Variants in COL4A4 observed in about 807,000 individuals in gnomAD.
COL4A4 encodes the protein collagen type IV alpha 4 chain.
A neutral mutation model predicts 192.9 loss-of-function variants in COL4A4; 105 were observed. The ratio of observed to expected loss-of-function variants is 0.54; its 90% CI spans 0.46 to 0.64. COL4A4 has a LOEUF of 0.64. Ranked by LOEUF, COL4A4 falls within the 30% of genes least tolerant of loss-of-function variation. COL4A4 has a pLI of 0.00. For missense variants in COL4A4, 1,967 were observed against 2,169.3 expected, an observed-to-expected ratio of 0.91 and a Z score of 1.85; for synonymous variants, 762 against 769.9, an observed-to-expected ratio of 0.99 and a Z score of 0.17.
chr2:227,114,482 T>C (rs1423597685), intron 8 of COL4A4, 146 bp downstream of exon 8: 2 of 752,674 alleles, frequency 2.7e-6, no homozygotes, highest in Non-Finnish European at 4.9e-6. Context: ...CACAAAAGCA[T>C]GATGCCATCC....
At chr2:227,146,869 A>G (rs1318298946) in intron 2 of COL4A4, among the ~76,000 whole-genome samples, 2 of 152,082 alleles carry the variant, frequency 1.3e-5, no homozygotes, top group Non-Finnish European at 2.9e-5. Context: ...TTCACTTCCA[A>G]GGATGCTTGT....
chr2:227,053,811 G>T (rs1974699857), intron 31 of COL4A4, among the ~76,000 whole-genome samples: 1 of 152,004 alleles, frequency 6.6e-6, no homozygotes, highest in Admixed American at 6.6e-5. Context: ...CTCCCAAAGT[G>T]CTGGGATTAC....
intron 21 of COL4A4, among the ~76,000 whole-genome samples, 198 bp from the exon 22 acceptor site, chr2:227,089,014 G>A (rs1445985753): frequency 1.3e-5 from 2 of 152,078 alleles, no homozygotes; most frequent in Non-Finnish European, 2.9e-5. Flanking sequence ...TGGGATGTAG[G>A]GTGGGCATAC....
rs2150740265 is a variant in COL4A4 at position 227,098,776 on chromosome 2, G to A, written c.1122C>T (p.Phe374=). Residue 374 remains phenylalanine (F), a synonymous_variant, in exon 19 of 48, where the codon TTC becomes TTT. Transcript: ENST00000396625. ...PLKGPPGDPG[F]PGRYGETGDV... is the part of the protein sequence containing the mutation. The stretch of plus-strand genomic sequence containing the variant: ...CCCCTGTTTCTCCATAGCGGCCAGG[G>A]AACCCTGGGTCCCCTGGTGGGCCTG... 6.2e-7 allele frequency: 1 copy of A among 1,614,022 alleles called. No individual in the cohort carries two copies. Among genetic ancestry groups the A allele is most frequent in the South Asian group, 1.1e-5 (1 of 91,060 alleles).
chr2:227,094,303 C>A lies in COL4A4; in HGVS notation c.1205-14G>T. On this transcript the variant is annotated splice_polypyrimidine_tract_variant and intron_variant, in intron 19 of 47. Transcript: ENST00000396625. The stretch of plus-strand genomic sequence containing the variant: ...GTCCTATCATGCCTGCAAGATAAAT[C>A]AAGAATGAAAATTACATATACTCTC... The A allele has an allele frequency of 6.2e-7, 1 of 1,612,116 alleles. No individual in the cohort carries two copies. The highest frequency in any genetic ancestry group is 1.1e-5 in the South Asian group (1 of 90,874).
chr2:227,103,218 A>G (rs2060624953), intron 13 of COL4A4, 21 bp from the exon 14 acceptor site: 1 of 1,591,132 alleles, frequency 6.3e-7, no homozygotes, highest in South Asian at 1.1e-5. Flanking sequence ...CAATGAATAT[A>G]ATTTGGTCTA....
rs755927061 is a variant in COL4A4 at position 227,012,179 on chromosome 2, A to G, written c.4333+2T>C. ...AGAAAAGAGGAGTGACTGAAACTCT[A>G]CCTGGTCCTCCAGGGTAGCCGTCTT... On this transcript the variant is annotated splice_donor_variant, in intron 45 of 47. Coordinates refer to ENST00000396625, the MANE Select transcript of COL4A4 (RefSeq NM_000092.5). LOFTEE classifies it high-confidence loss of function. 1.2e-6 allele frequency: 2 copies of G among 1,607,662 alleles called. No homozygotes were observed. Among genetic ancestry groups the G allele is most frequent in the Non-Finnish European group, 1.7e-6 (2 of 1,174,072 alleles).
chr2:227,056,054 T>G lies in COL4A4; in HGVS notation c.2607A>C (p.Lys869Asn), dbSNP rs1406834186. Reference protein sequence around the residue: ...DVGPPGPAGMKGLPGLPGRPG... With the variant: ...DVGPPGPAGMNGLPGLPGRPG... ...GCCGTCCTGGGAGTCCGGGGAGGCC[T>G]TTCATTCCAGCTGGCCCGGGAGGCC... The change falls in exon 30 of 48, where the codon AAA becomes AAC. Residue 869 changes from lysine (K) to asparagine (N), a missense_variant. Coordinates refer to ENST00000396625, the MANE Select transcript of COL4A4 (RefSeq NM_000092.5). 1 of 1,613,994 alleles carries G rather than the reference T, an allele frequency of 6.2e-7. No individual in the cohort carries two copies. The highest frequency in any genetic ancestry group is 2.2e-5 in the East Asian group (1 of 44,856).
chr2:227,116,154 G>C (rs80110363), intron 7 of COL4A4, among the ~76,000 whole-genome samples: 1 of 142,916 alleles, frequency 7.0e-6, no homozygotes, highest in Non-Finnish European at 1.5e-5. Context: ...GGGAAGAAAC[G>C]TAACAATGTA....
At chr2:227,117,255 A>C (rs984422267) in intron 7 of COL4A4, among the ~76,000 whole-genome samples, 4 of 152,194 alleles carry the variant, frequency 2.6e-5, no homozygotes, top group Non-Finnish European at 5.9e-5. Context: ...TGTGGCTGGT[A>C]CTGCATGCTA....
intron 43 of COL4A4, among the ~76,000 whole-genome samples, chr2:227,023,739 C>T (rs529779212): frequency 5.3e-5 from 8 of 152,288 alleles, no homozygotes; most frequent in East Asian, 3.9e-4. Flanking sequence ...CTTCGCCAGG[C>T]GCGGTGGCTC....
At chr2:226,996,222 C>T in the COL4A4 span, 1 of 152,400 alleles carries the variant, frequency 6.6e-6, no homozygotes. Context: ...CAGCCCCTTC[C>T]CAGTGGCAGC....
At chr2:227,093,333 A>G (rs2060036461) in intron 20 of COL4A4, among the ~76,000 whole-genome samples, 1 of 152,230 alleles carries the variant, frequency 6.6e-6, no homozygotes, top group Non-Finnish European at 1.5e-5. Flanking sequence ...AAGGGCCTGT[A>G]TTCTGCTAAG....
At chr2:227,120,489 A>C (rs2061715396) in intron 5 of COL4A4, among the ~76,000 whole-genome samples, 1 of 152,226 alleles carries the variant, frequency 6.6e-6, no homozygotes, top group African/African-American at 2.4e-5. Context: ...AAGCCATGAA[A>C]CAATATAACT....
At chr2:226,978,993 TAA>T in the COL4A4 span, among the ~76,000 whole-genome samples, 1 of 152,138 alleles carries the variant, frequency 6.6e-6, no homozygotes, top group Non-Finnish European at 1.5e-5. Flanking sequence ...TAGGTATGTA[TAA>T]AAAAGAGTTT....
chr2:227,076,277 G>T (rs1437127384), intron 25 of COL4A4, among the ~76,000 whole-genome samples: 1 of 152,108 alleles, frequency 6.6e-6, no homozygotes, highest in African/African-American at 2.4e-5. Flanking sequence ...GCATGGTACT[G>T]GTACCAAAGC....
intron 33 of COL4A4, among the ~76,000 whole-genome samples, chr2:227,050,599 G>A (rs145386112): frequency 1.6e-4 from 24 of 152,258 alleles, no homozygotes; most frequent in Admixed American, 3.3e-4. Flanking sequence ...TTGTGAAGAC[G>A]AAATATATTG....
At chr2:226,987,440 G>A in the COL4A4 span, among the ~76,000 whole-genome samples, 2 of 152,226 alleles carry the variant, frequency 1.3e-5, no homozygotes, top group African/African-American at 4.8e-5. Context: ...GTGCCCAGCT[G>A]CCAAAAGTCA....
chr2:226,976,475 A>G, the COL4A4 span, among the ~76,000 whole-genome samples: 5 of 152,012 alleles, frequency 3.3e-5, no homozygotes, highest in African/African-American at 1.2e-4. Flanking sequence ...ACGCCTCCTT[A>G]CCTGGAAACC....
Sources: gnomAD v4.1 joint callset for allele counts (sites outside exome capture counted in the v4.1 genomes callset) on GRCh38, gnomAD v4.1.1 for gene constraint, MANE v1.5 for transcripts, NCBI Gene and HGNC (gene_info 2026-07-23, HGNC 2026-07-21) for gene names.